Variants in HUNK observed in about 807,000 individuals in gnomAD.
HUNK encodes the protein hormonally up-regulated neu tumor-associated kinase.
Under a neutral mutation model 61.0 loss-of-function variants are expected in HUNK, and 21 were observed. The observed-to-expected ratio is 0.34, with a 90% CI of 0.24 to 0.50. HUNK has a LOEUF of 0.50. Among genes scored for constraint, HUNK ranks in the 20% least tolerant of loss-of-function variants. The pLI, the probability that HUNK is intolerant of heterozygous loss-of-function variation, is 0.98. For synonymous variants in HUNK, 371 were observed against 386.1 expected, an observed-to-expected ratio of 0.96 and a Z score of 0.46; for missense variants, 772 against 945.7, an observed-to-expected ratio of 0.82 and a Z score of 2.41.
intron 9 of HUNK, among the ~76,000 whole-genome samples, chr21:31,993,449 G>A (rs955707698): frequency 2.6e-5 from 4 of 152,318 alleles, no homozygotes; most frequent in African/African-American, 9.6e-5. Flanking sequence ...AAAACAGAAG[G>A]AACTGCCGTG....
intron 9 of HUNK, 105 bp from the exon 10 acceptor site, chr21:31,995,663 G>T: frequency 1.1e-6 from 1 of 914,468 alleles, no homozygotes; most frequent in Non-Finnish European, 1.7e-6. Context: ...ATAGAGTATT[G>T]AAAAGGTGGA....
intron 1 of HUNK, among the ~76,000 whole-genome samples, chr21:31,874,299 A>C (rs2052242058): frequency 7.1e-6 from 1 of 140,652 alleles, no homozygotes; most frequent in Non-Finnish European, 1.6e-5. Flanking sequence ...GCGAGGCGGG[A>C]ACCAGGGCTA....
At chr21:31,978,537 A>T (rs929694011) in intron 7 of HUNK, among the ~76,000 whole-genome samples, 8 of 151,998 alleles carry the variant, frequency 5.3e-5, no homozygotes, top group Non-Finnish European at 1.5e-5. Context: ...TACTTCTGTG[A>T]CCTACACTTT....
At chr21:31,917,923 AAGATTTAATTTCACTC>A (rs1176937974) in intron 1 of HUNK, among the ~76,000 whole-genome samples, 27 of 152,162 alleles carry the variant, frequency 1.8e-4, no homozygotes, top group Admixed American at 1.8e-3. Context: ...TTTGATAGCA[AAGATTTAATTTCACTC>A]TGTAAAACTC....
chr21:31,913,936 G>A (rs1314578347), intron 1 of HUNK, among the ~76,000 whole-genome samples: 10 of 152,036 alleles, frequency 6.6e-5, no homozygotes, highest in African/African-American at 2.2e-4. Flanking sequence ...CTGGGCTTCC[G>A]TGTCTACCCA....
At chr21:31,912,231 T>G (rs1227205486) in intron 1 of HUNK, among the ~76,000 whole-genome samples, 1 of 152,148 alleles carries the variant, frequency 6.6e-6, no homozygotes, top group Non-Finnish European at 1.5e-5. Flanking sequence ...GACGCGGTGC[T>G]GGACACTGGA....
intron 10 of HUNK, 79 bp downstream of exon 10, chr21:31,996,027 C>A: frequency 1.9e-6 from 2 of 1,054,010 alleles, no homozygotes; most frequent in South Asian, 1.6e-5. Flanking sequence ...AGGGGATGGT[C>A]GAATGGGCCC....
In HUNK at chr21:31,998,772, A is replaced by C. The variant is rs2053224377; in HGVS notation, c.1733A>C (p.His578Pro). 3 of 1,613,960 alleles carry C rather than the reference A, an allele frequency of 1.9e-6. No homozygotes were observed. The highest frequency in any genetic ancestry group is 2.5e-6 in the Non-Finnish European group (3 of 1,180,016). Residue 578 changes from histidine to proline, a missense_variant, in exon 11 of 11, where the codon CAT (histidine) becomes CCT (proline). His to Pro is a moderately conservative substitution (Grantham distance 77). Transcript: ENST00000270112. ...CACGTAGAAGTGCTGTCTCCCTCTC[A>C]TCACTACAGGATTCTGAACTCCCCG... The part of the protein sequence containing the change: ...DDHVEVLSPS[H>P]HYRILNSPVS...
At chr21:31,914,757 GGTGTC>G (rs1316101771) in intron 1 of HUNK, among the ~76,000 whole-genome samples, 7 of 152,026 alleles carry the variant, frequency 4.6e-5, no homozygotes, top group African/African-American at 1.5e-4. Context: ...AGAGAGTTCT[GGTGTC>G]TCTTCTCCTT....
chr21:31,957,559 T>G (rs1330425292), intron 4 of HUNK, among the ~76,000 whole-genome samples: 1 of 152,204 alleles, frequency 6.6e-6, no homozygotes. Flanking sequence ...GAAATCTTAG[T>G]GCCTGTTTTT....
intron 1 of HUNK, among the ~76,000 whole-genome samples, chr21:31,880,012 C>T (rs367709455): frequency 1.3e-5 from 2 of 152,142 alleles, no homozygotes; most frequent in East Asian, 1.9e-4. Flanking sequence ...CTGGGTGGTA[C>T]GATGACCAGC....
chr21:31,995,052 A>G (rs73354686), intron 9 of HUNK, among the ~76,000 whole-genome samples: 10,731 of 151,178 alleles, frequency 0.071, 413 homozygotes, highest in African/African-American at 0.1. Flanking sequence ...CCAGCTACTC[A>G]GGAGGCTGAG....
At chr21:31,984,723 T>A (rs1427874738) in intron 8 of HUNK, among the ~76,000 whole-genome samples, 2 of 152,152 alleles carry the variant, frequency 1.3e-5, no homozygotes, top group Non-Finnish European at 2.9e-5. Context: ...CAAGTGAGCT[T>A]TTCTTTCTCT....
At chr21:31,997,336 T>C (rs138557700) in intron 10 of HUNK, among the ~76,000 whole-genome samples, 118 of 152,342 alleles carry the variant, frequency 7.7e-4, no homozygotes, top group African/African-American at 2.7e-3. Context: ...ACTGTATGGA[T>C]GGATGATATT....
At chr21:31,995,744 CAT>C in intron 9 of HUNK, 22 bp from the exon 10 acceptor site, 1 of 1,597,250 alleles carries the variant, frequency 6.3e-7, no homozygotes, top group African/African-American at 1.3e-5. Context: ...TGTCTAAGTG[CAT>C]ATGTTTGCTT....
intron 7 of HUNK, among the ~76,000 whole-genome samples, chr21:31,981,262 T>G (rs2053095622): frequency 6.6e-6 from 1 of 152,214 alleles, no homozygotes. Flanking sequence ...TTCTATAGCT[T>G]TGTGATGTGT....
chr21:31,901,374 C>T (rs1012095603), intron 1 of HUNK, among the ~76,000 whole-genome samples: 4 of 152,114 alleles, frequency 2.6e-5, no homozygotes, highest in South Asian at 2.1e-4. Context: ...TGTACTGTCC[C>T]CCTCTAGGCC....
intron 1 of HUNK, among the ~76,000 whole-genome samples, chr21:31,877,095 A>T (rs567959364): frequency 1.3e-5 from 2 of 152,194 alleles, no homozygotes; most frequent in Non-Finnish European, 2.9e-5. Context: ...GAAAGAGGGC[A>T]TAGGGAAACA....
chr21:31,941,820 G>A (rs1191702254), intron 3 of HUNK, among the ~76,000 whole-genome samples: 2 of 152,178 alleles, frequency 1.3e-5, no homozygotes, highest in Admixed American at 6.5e-5. Context: ...CCCTGTAACT[G>A]TTCTTTGGAA....
Sources: allele counts gnomAD v4.1 joint callset (sites outside exome capture counted in the v4.1 genomes callset), GRCh38; gene constraint gnomAD v4.1.1; transcripts MANE v1.5; gene names NCBI Gene and HGNC (gene_info 2026-07-23, HGNC 2026-07-21).